The following ADAMTS12 variants were observed in gnomAD, a reference collection of about 807,000 sequenced individuals.
The protein encoded by ADAMTS12 is ADAM metallopeptidase with thrombospondin type 1 motif 12.
Under a neutral mutation model 167.8 loss-of-function variants are expected in ADAMTS12, and 118 were observed. The ratio of observed to expected loss-of-function variants is 0.70; its 90% CI spans 0.61 to 0.82. The LOEUF is 0.82. Among genes scored for constraint, ADAMTS12 ranks in the 40% least tolerant of loss-of-function variants. The pLI is 0.00. For synonymous variants in ADAMTS12, 704 were observed against 716.9 expected, an observed-to-expected ratio of 0.98 and a Z score of 0.29; for missense variants, 1,916 against 1,998.8, an observed-to-expected ratio of 0.96 and a Z score of 0.79.
At chr5:33,704,128 A>G (rs1743102260) in intron 3 of ADAMTS12, among the ~76,000 whole-genome samples, 1 of 152,158 alleles carries the variant, frequency 6.6e-6, no homozygotes, top group South Asian at 2.1e-4. Flanking sequence ...TTGTTGTTTG[A>G]TCCTAAAATC....
At chr5:33,844,526 T>C (rs1748869333) in intron 2 of ADAMTS12, among the ~76,000 whole-genome samples, 1 of 152,150 alleles carries the variant, frequency 6.6e-6, no homozygotes, top group Non-Finnish European at 1.5e-5. Flanking sequence ...CTTATTAGGA[T>C]GAGGAAATTC....
At position 33,596,031 on chromosome 5, in the gene ADAMTS12, T is replaced by C. The variant is rs749512340; in HGVS notation, c.2557A>G (p.Lys853Glu). ...GIRRQTAHCI[K>E]KGRGMVKATF... ...GCTTTCACCATCCCGCGGCCCTTCT[T>C]TATGCAATGGGCAGTTTGGCGGCGG... is the stretch of plus-strand genomic sequence containing the variant. The change falls in exon 17 of 24, where the codon AAG (lysine) becomes GAG (glutamate). Residue 853 changes from lysine (K) to glutamate (E), a missense_variant. Transcript: ENST00000504830. 6.2e-7 allele frequency: 1 copy of C among 1,614,030 alleles called. No homozygotes were observed. The highest frequency in any genetic ancestry group is 1.1e-5 in the South Asian group (1 of 91,050).
intron 2 of ADAMTS12, among the ~76,000 whole-genome samples, chr5:33,808,840 T>C (rs1747337105): frequency 6.6e-6 from 1 of 152,182 alleles, no homozygotes; most frequent in African/African-American, 2.4e-5. Context: ...AACAAAAAGA[T>C]AGCCAATTCC....
At chr5:33,742,331 A>T (rs1744618286) in intron 3 of ADAMTS12, among the ~76,000 whole-genome samples, 1 of 5,248 alleles carries the variant, frequency 1.9e-4, no homozygotes. Context: ...CCTTCCCCGT[A>T]AAAAAAAAAA....
chr5:33,537,634 G>A (rs765749220), intron 22 of ADAMTS12, among the ~76,000 whole-genome samples: 6 of 152,224 alleles, frequency 3.9e-5, no homozygotes, highest in South Asian at 2.1e-4. Context: ...CTGCAGAGAT[G>A]AGGCTGTTGT....
rs1456466580 is a variant in ADAMTS12 at position 33,591,101 on chromosome 5, TG to T, written c.2655-2293del. On this transcript the variant is annotated intron_variant, in intron 17 of 23. Transcript: ENST00000504830. ...GTCTAAGTGTGTGTGTGTGTGTGTG[TG>T]TGTATGTGTGTGCCTATGTTTGAGA... 2.8e-3 allele frequency among the ~76,000 whole-genome samples: 380 copies of T among 136,626 alleles called. 3 individuals carry two copies. Among genetic ancestry groups the T allele is most frequent in the African/African-American group, 9.2e-3 (365 of 39,492 alleles). The allele number at this position is 136,626 out of a possible 152,430, so 89.6% of individuals were successfully genotyped here.
chr5:33,525,646 T>G lies in ADAMTS12; in HGVS notation c.*1542A>C, dbSNP rs1019069832. On this transcript the variant is annotated 3_prime_UTR_variant, in exon 24 of 24. Transcript: ENST00000504830. ...CATTTTTTTAATAGCACCATTCTGC[T>G]GAACGGATAGGTAAAGGGAGACGTG... 3 of 152,188 alleles carry G rather than the reference T, an allele frequency of 2.0e-5. No homozygotes were observed. The highest frequency in any genetic ancestry group is 7.2e-5 in the African/African-American group (3 of 41,440). The allele number at this position is 152,188 out of a possible 1,614,324, so 9.4% of individuals were successfully genotyped here. A position where few individuals can be genotyped will look rare whatever the true frequency, so the allele number is the denominator to read the frequency against.
rs1749972346 is a variant in ADAMTS12 at position 33,869,940 on chromosome 5, ATTTTAGAGGCC to A, written c.489+11168_489+11178del. Among the ~76,000 whole-genome samples, 5 of 152,282 alleles carry A rather than the reference ATTTTAGAGGCC, an allele frequency of 3.3e-5. No individual in the cohort carries two copies. The South Asian group carries it at 1.0e-3, about 32-fold the overall frequency. On this transcript the variant is annotated intron_variant, in intron 2 of 23. Coordinates refer to ENST00000504830, the MANE Select transcript of ADAMTS12 (RefSeq NM_030955.4). The stretch of plus-strand genomic sequence containing the variant: ...TAAGGTAGACACTCATAGAGTGGCC[ATTTTAGAGGCC>A]CTCCCTGGGAATGCATTCTTTTCCC...
At chr5:33,542,004 T>C (rs1744724635) in intron 22 of ADAMTS12, among the ~76,000 whole-genome samples, 1 of 152,206 alleles carries the variant, frequency 6.6e-6, no homozygotes, top group Non-Finnish European at 1.5e-5. Context: ...ACCTTCAATG[T>C]AAATGGGCTA....
At chr5:33,817,444 C>T (rs112497161) in intron 2 of ADAMTS12, among the ~76,000 whole-genome samples, 28 of 152,280 alleles carry the variant, frequency 1.8e-4, no homozygotes, top group Non-Finnish European at 3.7e-4. Context: ...CAAGTTCCTG[C>T]CTTTTCCATT....
chr5:33,558,742 A>G (rs1288311757), intron 20 of ADAMTS12, among the ~76,000 whole-genome samples: 1 of 152,228 alleles, frequency 6.6e-6, no homozygotes, highest in African/African-American at 2.4e-5. Flanking sequence ...AGTGACAGGA[A>G]AGTGGAACTT....
intron 2 of ADAMTS12, among the ~76,000 whole-genome samples, chr5:33,819,847 C>A (rs1747802885): frequency 6.6e-6 from 1 of 152,004 alleles, no homozygotes; most frequent in Non-Finnish European, 1.5e-5. Context: ...AGGCAGGAGA[C>A]CAAGGAAAGA....
chr5:33,626,821 C>CGATGGTGGTGGTGGTGATGTGGT (rs1739660733), intron 13 of ADAMTS12, among the ~76,000 whole-genome samples: 2 of 70,524 alleles, frequency 2.8e-5, no homozygotes, highest in Non-Finnish European at 5.8e-5. Flanking sequence ...GGTGATTTGA[C>CGATGGTGGTGGTGGTGATGTGGT]GATGGTGGTG....
chr5:33,884,626 T>A (rs973457298), intron 1 of ADAMTS12, among the ~76,000 whole-genome samples: 3 of 152,112 alleles, frequency 2.0e-5, no homozygotes, highest in Admixed American at 2.0e-4. Flanking sequence ...CTCTCTGAAA[T>A]CTCTCCACTG....
intron 2 of ADAMTS12, among the ~76,000 whole-genome samples, chr5:33,789,684 G>GA (rs1746454535): frequency 6.6e-6 from 1 of 152,192 alleles, no homozygotes; most frequent in Non-Finnish European, 1.5e-5. Flanking sequence ...CAGCGTTCTT[G>GA]ACAGTCCTTG....
At chr5:33,731,781 C>A (rs535243230) in intron 3 of ADAMTS12, among the ~76,000 whole-genome samples, 1 of 152,134 alleles carries the variant, frequency 6.6e-6, no homozygotes, top group Non-Finnish European at 1.5e-5. Flanking sequence ...TGGCTCATGA[C>A]CCTGCCTAAG....
intron 5 of ADAMTS12, among the ~76,000 whole-genome samples, chr5:33,677,583 C>T (rs957792347): frequency 4.6e-5 from 7 of 152,110 alleles, no homozygotes; most frequent in East Asian, 3.9e-4. Flanking sequence ...ACAGAAAGGG[C>T]TTAGAGGTCA....
intron 3 of ADAMTS12, among the ~76,000 whole-genome samples, chr5:33,729,291 G>GA (rs1579881606): frequency 3.3e-5 from 5 of 152,228 alleles, no homozygotes; most frequent in Non-Finnish European, 5.9e-5. Flanking sequence ...TTTATAGAGT[G>GA]AATGTGGAAG....
At chr5:33,786,815 CCT>C (rs1325429745) in intron 2 of ADAMTS12, among the ~76,000 whole-genome samples, 7 of 152,166 alleles carry the variant, frequency 4.6e-5, no homozygotes, top group African/African-American at 9.7e-5. Context: ...TCCCCAGTCC[CCT>C]GTCAGTGCCA....
Sources: allele counts gnomAD v4.1 joint callset (sites outside exome capture counted in the v4.1 genomes callset), GRCh38; gene constraint gnomAD v4.1.1; transcripts MANE v1.5; gene names NCBI Gene and HGNC (gene_info 2026-07-23, HGNC 2026-07-21).